TM9SF2: variants seen among roughly 807,000 people sequenced by gnomAD.
TM9SF2 encodes transmembrane 9 superfamily member 2, also known as 76 kDa membrane protein.
In TM9SF2, 13 loss-of-function variants were observed where a neutral mutation model predicts 84.9. The observed-to-expected ratio is 0.15, with a 90% CI of 0.10 to 0.24. TM9SF2 has a LOEUF of 0.24. TM9SF2 is among the 10% of genes least tolerant of loss of function. The pLI is 1.00. For synonymous variants in TM9SF2, 273 were observed against 285.8 expected (o/e 0.96, Z 0.45); for missense variants, 562 against 818.5 (o/e 0.69, Z 3.82).
intron 9 of TM9SF2, 26 bp downstream of exon 9, chr13:99,541,693 G>A (rs749011921): frequency 1.4e-6 from 2 of 1,474,258 alleles, no homozygotes; most frequent in East Asian, 4.6e-5. Flanking sequence ...TTAGTCTTTA[G>A]TCTGCCAAGG....
chr13:99,560,985 T>C (rs1200933287), intron 16 of TM9SF2, among the ~76,000 whole-genome samples: 1 of 152,224 alleles, frequency 6.6e-6, no homozygotes, highest in African/African-American at 2.4e-5. Flanking sequence ...CCAGCTGATT[T>C]TGTTTTTTAA....
At chr13:99,558,184 C>T (rs897137023) in intron 15 of TM9SF2, among the ~76,000 whole-genome samples, 8 of 152,222 alleles carry the variant, frequency 5.3e-5, no homozygotes, top group African/African-American at 1.9e-4. Context: ...GGTCTATATG[C>T]TGCCCTTAGG....
Position 99,543,981 on chromosome 13 carries a change from C to G in TM9SF2, c.1136C>G (p.Thr379Ser). 1 of 1,613,852 alleles carries G rather than the reference C, an allele frequency of 6.2e-7. No individual in the cohort carries two copies. ...TCCGGGACACAGATTTTAATTATGACCTTTGTGACTCTATGTAAGTGTTAA... is the reference window on the plus strand; with the variant it reads ...TCCGGGACACAGATTTTAATTATGAGCTTTGTGACTCTATGTAAGTGTTAA... ...LGSGTQILIMTFVTLFFACLG... is the reference protein window; with the variant it reads ...LGSGTQILIMSFVTLFFACLG... The change falls in exon 10 of 17, where the codon ACC becomes AGC. Residue 379 changes from threonine (T) to serine (S), a missense_variant. Physicochemically the swap from Thr to Ser is moderately conservative, Grantham distance 58 (BLOSUM62 1). Around this residue, in one of 4 missense-constraint regions of TM9SF2, gnomAD observed 219 missense variants for 338.1 expected, o/e 0.65. Transcript: ENST00000376387.
chr13:99,502,318 T>C (rs540042594), intron 1 of TM9SF2, among the ~76,000 whole-genome samples: 5 of 152,322 alleles, frequency 3.3e-5, no homozygotes, highest in African/African-American at 1.2e-4. Flanking sequence ...GACTTTGATA[T>C]CTCGCTTCAC....
intron 14 of TM9SF2, 49 bp from the exon 15 acceptor site, chr13:99,555,487 T>C: frequency 1.5e-6 from 2 of 1,355,048 alleles, no homozygotes; most frequent in Non-Finnish European, 2.1e-6. Flanking sequence ...TTATGTATTG[T>C]GTCAAATTGA....
chr13:99,517,572 T>C, intron 1 of TM9SF2, 42 bp from the exon 2 acceptor site: 1 of 1,351,330 alleles, frequency 7.4e-7, no homozygotes, highest in Non-Finnish European at 1.0e-6. Context: ...AGGCTTTGTG[T>C]CCTGTTGTTT....
intron 10 of TM9SF2, 67 bp downstream of exon 10, chr13:99,544,062 GT>G: frequency 6.3e-7 from 1 of 1,575,774 alleles, no homozygotes; most frequent in East Asian, 2.3e-5. Flanking sequence ...TTAAAAACCA[GT>G]TTTTCTGGCC....
chr13:99,559,642 C>T, intron 16 of TM9SF2, 108 bp downstream of exon 16: 1 of 1,069,022 alleles, frequency 9.4e-7, no homozygotes, highest in Non-Finnish European at 1.3e-6. Context: ...TGTTAGTGCT[C>T]CCATATTTAG....
chr13:99,540,312 C>T (rs1445269758), intron 7 of TM9SF2, among the ~76,000 whole-genome samples: 3 of 150,654 alleles, frequency 2.0e-5, no homozygotes, highest in Non-Finnish European at 4.4e-5. Context: ...ATTAAGAGCT[C>T]AGTGTGCCTG....
At chr13:99,559,276 T>G (rs1219620524) in intron 15 of TM9SF2, 87 bp from the exon 16 acceptor site, 7 of 1,201,534 alleles carry the variant, frequency 5.8e-6, no homozygotes, top group Non-Finnish European at 7.9e-6. Context: ...GGCTGTCTCA[T>G]TTATTATGCT....
intron 5 of TM9SF2, among the ~76,000 whole-genome samples, chr13:99,537,435 A>C (rs2046239451): frequency 6.6e-6 from 1 of 152,204 alleles, no homozygotes; most frequent in Admixed American, 6.5e-5. Context: ...TAGTGTGCTC[A>C]TAATATTTTA....
At chr13:99,546,176 A>C (rs567401687) in intron 10 of TM9SF2, among the ~76,000 whole-genome samples, 42 of 152,270 alleles carry the variant, frequency 2.8e-4, no homozygotes, top group African/African-American at 1.0e-3. Context: ...GCTTGCTCAC[A>C]TACGTGCTTG....
In TM9SF2 at chr13:99,501,694, C is replaced by T. The variant is rs748166831; in HGVS notation, c.88C>T (p.Pro30Ser). 4 of 1,612,466 alleles carry T rather than the reference C, an allele frequency of 2.5e-6. No homozygotes were observed. The highest frequency in any genetic ancestry group is 2.5e-6 in the Non-Finnish European group (3 of 1,179,732). The change falls in exon 1 of 17, where the codon CCG (proline) becomes TCG (serine). Residue 30 changes from proline to serine, a missense_variant. This residue lies in a region of TM9SF2 where 267 missense variants were observed against 316.7 expected (regional missense o/e 0.84). Transcript: ENST00000376387. Reference sequence around the variant, plus strand: ...GCTCCTGCTGGGGGCGGTTCCTGGCCCGCGCCGGAGCGGCGCTTTCTACCT... The same window carrying T: ...GCTCCTGCTGGGGGCGGTTCCTGGCTCGCGCCGGAGCGGCGCTTTCTACCT... ...SLLLLGAVPG[P>S]RRSGAFYLPG...
chr13:99,543,153 A>C (rs924294536), intron 9 of TM9SF2, among the ~76,000 whole-genome samples: 16 of 151,712 alleles, frequency 1.1e-4, no homozygotes, highest in African/African-American at 3.6e-4. Context: ...TAGTTCCCTT[A>C]CCTCCCTCCG....
intron 1 of TM9SF2, among the ~76,000 whole-genome samples, chr13:99,502,563 T>G (rs370499206): frequency 5.5e-4 from 84 of 152,350 alleles, no homozygotes; most frequent in African/African-American, 2.0e-3. Flanking sequence ...TCTTGAAAAC[T>G]TTGATCTCTT....
At chr13:99,534,491 A>C (rs1359074932) in intron 4 of TM9SF2, among the ~76,000 whole-genome samples, 1 of 152,204 alleles carries the variant, frequency 6.6e-6, no homozygotes, top group African/African-American at 2.4e-5. Context: ...AAAAAAGAAA[A>C]GAAAAAAAAA....
At chr13:99,526,838 A>G (rs1941447711) in intron 3 of TM9SF2, among the ~76,000 whole-genome samples, 1 of 151,972 alleles carries the variant, frequency 6.6e-6, no homozygotes, top group Non-Finnish European at 1.5e-5. Context: ...GGGTTGGTAG[A>G]TGACAAGAAC....
At chr13:99,524,502 A>T (rs1278628939) in intron 3 of TM9SF2, among the ~76,000 whole-genome samples, 2 of 152,088 alleles carry the variant, frequency 1.3e-5, no homozygotes, top group East Asian at 3.9e-4. Flanking sequence ...CCAAGCAGAG[A>T]TGCTGAATAA....
chr13:99,531,882 T>C (rs1373369478), intron 4 of TM9SF2, among the ~76,000 whole-genome samples: 1 of 152,166 alleles, frequency 6.6e-6, no homozygotes, highest in African/African-American at 2.4e-5. Flanking sequence ...TGTTTACTTA[T>C]TGTTAAGTAA....
Sources: allele counts gnomAD v4.1 joint callset (sites outside exome capture counted in the v4.1 genomes callset), GRCh38; gene constraint gnomAD v4.1.1; regional missense constraint gnomAD v4.1.1; transcripts MANE v1.5; gene names NCBI Gene and HGNC (gene_info 2026-07-23, HGNC 2026-07-21).